RIPOR2: variants seen among roughly 807,000 people sequenced by gnomAD.
RIPOR2 encodes rho family-interacting cell polarization regulator 2.
Under a neutral mutation model 114.5 loss-of-function variants are expected in RIPOR2, and 39 were observed. The ratio of observed to expected loss-of-function variants is 0.34; its 90% CI spans 0.26 to 0.44. The LOEUF (loss-of-function observed/expected upper bound fraction) is 0.44. RIPOR2 is among the 20% of genes least tolerant of loss of function. The pLI, the probability that RIPOR2 is intolerant of heterozygous loss-of-function variation, is 1.00. For missense variants in RIPOR2, 1,007 were observed against 1,255.1 expected, an observed-to-expected ratio of 0.80 and a Z score of 2.99; for synonymous variants, 445 against 484.4, an observed-to-expected ratio of 0.92 and a Z score of 1.07.
intron 1 of RIPOR2, among the ~76,000 whole-genome samples, chr6:24,935,366 CAGAGAGAGAGAGACAG>C (rs1349009585): frequency 4.2e-5 from 6 of 141,856 alleles, no homozygotes; most frequent in African/African-American, 7.9e-5. Context: ...GAAAGATAGA[CAGAGAGAGAGAGACAG>C]AGAGAGAGAG....
intron 1 of RIPOR2, among the ~76,000 whole-genome samples, chr6:24,917,919 A>G (rs902988660): frequency 6.6e-6 from 1 of 152,166 alleles, no homozygotes; most frequent in Admixed American, 6.5e-5. Context: ...TTAAAAAAAG[A>G]GACGTATCTG....
At chr6:24,916,453 T>C (rs1415841711) in intron 1 of RIPOR2, among the ~76,000 whole-genome samples, 2 of 152,214 alleles carry the variant, frequency 1.3e-5, no homozygotes, top group Non-Finnish European at 2.9e-5. Context: ...TATAGGATAG[T>C]AACCTCTATA....
chr6:24,996,325 T>C (rs904195950), intron 1 of RIPOR2, among the ~76,000 whole-genome samples: 1 of 152,196 alleles, frequency 6.6e-6, no homozygotes, highest in African/African-American at 2.4e-5. Context: ...GACAGCCTGC[T>C]GTTATTTGAT....
chr6:25,000,400 G>A (rs185221598), intron 1 of RIPOR2, among the ~76,000 whole-genome samples: 1 of 152,246 alleles, frequency 6.6e-6, no homozygotes, highest in East Asian at 1.9e-4. Context: ...AGTGTATCCT[G>A]TGCACTGTTG....
intron 1 of RIPOR2, among the ~76,000 whole-genome samples, chr6:24,990,264 C>T (rs537631664): frequency 5.3e-5 from 8 of 152,128 alleles, no homozygotes; most frequent in Non-Finnish European, 1.2e-4. Context: ...AGTTTCTGGA[C>T]GTGTCAAAGG....
chr6:24,858,211 T>C lies in RIPOR2; in HGVS notation c.715+2762A>G, dbSNP rs1358415937. On this transcript the variant is annotated intron_variant, in intron 8 of 21. Coordinates refer to ENST00000643898, the MANE Select transcript of RIPOR2 (RefSeq NM_001286445.3). This position sits in a 1 kb window ranked among gnomAD's most constrained non-coding sequence, Gnocchi z 4.0. ...TATGTCTGTTTTCTCTGGTAGACCATGTGGAACTCAAGGCCAGGGAGCAGT... is the reference window on the plus strand; with the variant it reads ...TATGTCTGTTTTCTCTGGTAGACCACGTGGAACTCAAGGCCAGGGAGCAGT... 6.6e-6 allele frequency among the ~76,000 whole-genome samples: 1 copy of C among 152,192 alleles called. No homozygotes were observed. The highest frequency in any genetic ancestry group is 2.4e-5 in the African/African-American group (1 of 41,452).
chr6:24,922,293 G>A (rs761252481), intron 1 of RIPOR2, among the ~76,000 whole-genome samples: 3 of 152,120 alleles, frequency 2.0e-5, no homozygotes, highest in African/African-American at 4.8e-5. Flanking sequence ...TAAAACTGAC[G>A]CCCAGCTAGG....
At chr6:24,845,428 C>A (rs893035669) in intron 12 of RIPOR2, among the ~76,000 whole-genome samples, 1 of 152,118 alleles carries the variant, frequency 6.6e-6, no homozygotes, top group Non-Finnish European at 1.5e-5. Context: ...ACCCATGGGC[C>A]CTCCATGTGG....
intron 1 of RIPOR2, among the ~76,000 whole-genome samples, chr6:24,953,945 G>A (rs1772909004): frequency 6.6e-6 from 1 of 152,052 alleles, no homozygotes; most frequent in Admixed American, 6.5e-5. Flanking sequence ...CTTGTTAATC[G>A]GTCCTTTGTT....
intron 1 of RIPOR2, chr6:24,877,020 T>G (rs1363839932): frequency 3.0e-6 from 3 of 985,280 alleles, no homozygotes; most frequent in Non-Finnish European, 3.6e-6. Flanking sequence ...AAATAGTTAC[T>G]GCCCAGATTG....
At chr6:24,904,302 C>T (rs1410915266) in intron 1 of RIPOR2, among the ~76,000 whole-genome samples, 1 of 152,180 alleles carries the variant, frequency 6.6e-6, no homozygotes, top group Non-Finnish European at 1.5e-5. Context: ...GTTTCCTTGC[C>T]CTTTCTAGCT....
At chr6:24,844,766 C>A (rs946950342) in intron 12 of RIPOR2, among the ~76,000 whole-genome samples, 2 of 152,084 alleles carry the variant, frequency 1.3e-5, no homozygotes, top group African/African-American at 4.8e-5. Context: ...CGTGAGCCAC[C>A]GCGCCTGGCC....
At chr6:24,998,767 T>C (rs1292543448) in intron 1 of RIPOR2, among the ~76,000 whole-genome samples, 1 of 152,242 alleles carries the variant, frequency 6.6e-6, no homozygotes. Flanking sequence ...CCTGGGTTAT[T>C]GTGGAACAGG....
At chr6:24,895,353 G>A (rs73400425) in intron 1 of RIPOR2, among the ~76,000 whole-genome samples, 5,112 of 152,056 alleles carry the variant, frequency 0.034, 98 homozygotes, top group African/African-American at 0.051. Flanking sequence ...CCGGCACCTG[G>A]GGAGCTTTTT....
chr6:24,996,779 G>A (rs1350086473), intron 1 of RIPOR2, among the ~76,000 whole-genome samples: 1 of 152,146 alleles, frequency 6.6e-6, no homozygotes, highest in Non-Finnish European at 1.5e-5. Context: ...ACTTTATACA[G>A]GCTTCTATTA....
chr6:24,966,426 C>T (rs1385872565), intron 1 of RIPOR2, among the ~76,000 whole-genome samples: 1 of 152,104 alleles, frequency 6.6e-6, no homozygotes, highest in Non-Finnish European at 1.5e-5. Flanking sequence ...ACCTAGCCTC[C>T]CTCCCCAAAA....
At chr6:24,944,736 C>T (rs1772321622) in intron 1 of RIPOR2, among the ~76,000 whole-genome samples, 1 of 151,898 alleles carries the variant, frequency 6.6e-6, no homozygotes, top group African/African-American at 2.4e-5. Context: ...CAAAGAAATC[C>T]ACAACTAGAC....
intron 1 of RIPOR2, among the ~76,000 whole-genome samples, chr6:24,896,445 G>GA (rs58648012): frequency 1.3e-5 from 2 of 151,750 alleles, no homozygotes; most frequent in Non-Finnish European, 2.9e-5. Context: ...TCTCCTAGAG[G>GA]AAAAAAAACT....
intron 1 of RIPOR2, among the ~76,000 whole-genome samples, chr6:25,002,130 C>G (rs1401256230): frequency 6.6e-6 from 1 of 152,222 alleles, no homozygotes; most frequent in East Asian, 1.9e-4. Flanking sequence ...TACAAAACAG[C>G]AGTGAGCTGC....
Sources: allele counts gnomAD v4.1 joint callset (sites outside exome capture counted in the v4.1 genomes callset), GRCh38; gene constraint gnomAD v4.1.1; non-coding constraint Gnocchi (gnomAD v3.1); transcripts MANE v1.5; gene names NCBI Gene and HGNC (gene_info 2026-07-23, HGNC 2026-07-21).